ESF1: variants seen among roughly 807,000 people sequenced by gnomAD.
ESF1 encodes the protein ESF1 homolog.
In ESF1, 58 loss-of-function variants were observed where a neutral mutation model predicts 92.0. The ratio of observed to expected loss-of-function variants is 0.63; its 90% CI spans 0.51 to 0.78. The LOEUF is 0.78. Ranked by LOEUF, ESF1 falls within the 30% of genes least tolerant of loss-of-function variation. The pLI is 0.00. For synonymous variants in ESF1, 321 were observed against 313.7 expected, an observed-to-expected ratio of 1.02 and a Z score of -0.24; for missense variants, 922 against 989.1, an observed-to-expected ratio of 0.93 and a Z score of 0.91.
chr20:13,752,945 C>T (rs1978706850), intron 9 of ESF1, among the ~76,000 whole-genome samples: 1 of 152,086 alleles, frequency 6.6e-6, no homozygotes, highest in East Asian at 1.9e-4. Flanking sequence ...GAAGTCCTTG[C>T]CAGCGTGAGA....
chr20:13,775,848 T>C, intron 3 of ESF1, 25 bp downstream of exon 3: 1 of 1,561,850 alleles, frequency 6.4e-7, no homozygotes, highest in Non-Finnish European at 8.6e-7. Context: ...TTTTCACAAA[T>C]AATCTTGTTT....
intron 9 of ESF1, among the ~76,000 whole-genome samples, chr20:13,746,153 TG>T (rs2050046987): frequency 6.6e-6 from 1 of 151,822 alleles, no homozygotes; most frequent in African/African-American, 2.4e-5. Context: ...TTATTAGAGA[TG>T]GGGTTTCACC....
intron 13 of ESF1, among the ~76,000 whole-genome samples, chr20:13,716,996 T>G (rs1227541352): frequency 6.6e-6 from 1 of 151,776 alleles, no homozygotes; most frequent in Non-Finnish European, 1.5e-5. Context: ...TTTTTGTATT[T>G]TTAGTAGAGA....
chr20:13,783,097 C>T lies in ESF1; in HGVS notation c.44G>A (p.Arg15Gln), dbSNP rs552526994. Residue 15 changes from arginine to glutamine, a missense_variant, in exon 2 of 14, where the codon CGG (arginine) becomes CAG (glutamine). Arg to Gln is a conservative substitution (Grantham distance 43). Coordinates refer to ENST00000617257, the MANE Select transcript of ESF1 (RefSeq NM_001276380.2). Reference sequence around the variant, plus strand: ...CCAAAATCTCGGGTCCTTTGCAACCCGTCTAAACCGCTGGTCACTCATTAT... The same window carrying T: ...CCAAAATCTCGGGTCCTTTGCAACCTGTCTAAACCGCTGGTCACTCATTAT... ...QEIMSDQRFR[R>Q]VAKDPRFWEM... The T allele has an allele frequency of 1.1e-5, 18 of 1,611,676 alleles. No individual in the cohort carries two copies. In the South Asian group the frequency reaches 1.4e-4, roughly 13 times the overall value.
Position 13,745,640 on chromosome 20 carries a change from C to T in ESF1, c.1829-11798G>A, listed in dbSNP as rs552927588. Among the ~76,000 whole-genome samples the T allele has an allele frequency of 3.9e-5, 6 of 152,054 alleles. No individual in the cohort carries two copies. The East Asian group carries it at 5.8e-4, about 15-fold the overall frequency. The stretch of plus-strand genomic sequence containing the variant: ...CTAACTTGTATTTTTTTAGTAAAGA[C>T]GGAGTTTCACCATGTTGGCCAGGAT... On this transcript the variant is annotated intron_variant, in intron 9 of 13. Coordinates refer to ENST00000617257, the MANE Select transcript of ESF1 (RefSeq NM_001276380.2).
intron 6 of ESF1, among the ~76,000 whole-genome samples, 171 bp from the exon 7 acceptor site, chr20:13,770,192 G>A (rs931341142): frequency 1.3e-5 from 2 of 152,168 alleles, no homozygotes; most frequent in African/African-American, 4.8e-5. Context: ...ATTCATCTTT[G>A]TATAAATTTC....
At chr20:13,742,524 ACTC>A (rs1426622783) in intron 9 of ESF1, among the ~76,000 whole-genome samples, 3 of 151,978 alleles carry the variant, frequency 2.0e-5, no homozygotes, top group Non-Finnish European at 4.4e-5. Flanking sequence ...CAGCAATTAT[ACTC>A]CTAACACAAA....
chr20:13,756,741 G>A (rs1182814556), intron 9 of ESF1, among the ~76,000 whole-genome samples: 2 of 152,126 alleles, frequency 1.3e-5, no homozygotes, highest in Non-Finnish European at 2.9e-5. Context: ...AGGAAGTCAC[G>A]TAACTAACTA....
chr20:13,782,373 G>GT (rs1320731270), intron 2 of ESF1, 131 bp downstream of exon 2: 10 of 719,128 alleles, frequency 1.4e-5, no homozygotes, highest in Middle Eastern at 4.5e-4. Context: ...TTATAGCTTT[G>GT]TATTTCCAGA....
intron 2 of ESF1, among the ~76,000 whole-genome samples, chr20:13,782,167 C>T (rs937274863): frequency 1.3e-5 from 2 of 152,152 alleles, no homozygotes; most frequent in African/African-American, 4.8e-5. Context: ...CGTGAGCCAC[C>T]ATGTCCGGCC....
intron 11 of ESF1, among the ~76,000 whole-genome samples, chr20:13,727,880 G>A (rs184102193): frequency 3.3e-5 from 5 of 152,204 alleles, no homozygotes; most frequent in Non-Finnish European, 5.9e-5. Context: ...TGTTTCAGCA[G>A]AAAAAGCTTT....
At chr20:13,719,359 G>A (rs1434366237) in intron 11 of ESF1, among the ~76,000 whole-genome samples, 1 of 152,006 alleles carries the variant, frequency 6.6e-6, no homozygotes, top group Admixed American at 6.6e-5. Flanking sequence ...CACATTTAAT[G>A]AAATTCTAAA....
chr20:13,759,919 T>A, intron 8 of ESF1, 66 bp from the exon 9 acceptor site: 8 of 1,499,330 alleles, frequency 5.3e-6, no homozygotes, highest in Non-Finnish European at 1.8e-6. Flanking sequence ...TCAGATCTTA[T>A]GGTCACTCTC....
At chr20:13,748,822 C>T (rs1413238404) in intron 9 of ESF1, among the ~76,000 whole-genome samples, 2 of 151,648 alleles carry the variant, frequency 1.3e-5, no homozygotes, top group Admixed American at 6.6e-5. Context: ...CTCCTGACCT[C>T]GTGATCCGCC....
intron 11 of ESF1, among the ~76,000 whole-genome samples, chr20:13,720,898 A>G (rs1023007552): frequency 1.3e-5 from 2 of 152,220 alleles, no homozygotes; most frequent in Non-Finnish European, 2.9e-5. Context: ...AGGTGGGTGG[A>G]TCACCTGAGG....
intron 11 of ESF1, among the ~76,000 whole-genome samples, chr20:13,724,761 G>A (rs556151678): frequency 5.3e-5 from 8 of 152,242 alleles, no homozygotes; most frequent in African/African-American, 1.9e-4. Flanking sequence ...TAAATATTTT[G>A]TAACATGCTG....
chr20:13,773,752 G>C (rs375075315), intron 4 of ESF1, among the ~76,000 whole-genome samples: 1 of 152,096 alleles, frequency 6.6e-6, no homozygotes, highest in African/African-American at 2.4e-5. Context: ...CCAAAAGGCC[G>C]AGAAGCGACA....
At chr20:13,770,405 A>G (rs1979631035) in intron 6 of ESF1, among the ~76,000 whole-genome samples, 1 of 152,216 alleles carries the variant, frequency 6.6e-6, no homozygotes, top group African/African-American at 2.4e-5. Flanking sequence ...GTCTTGCTCC[A>G]TCACCCAGGT....
intron 3 of ESF1, among the ~76,000 whole-genome samples, 193 bp from the exon 4 acceptor site, chr20:13,775,463 A>C (rs542934894): frequency 2.0e-5 from 3 of 152,332 alleles, no homozygotes; most frequent in Admixed American, 2.0e-4. Flanking sequence ...ATAACAGGTA[A>C]GTACTTTCTC....
Sources: gnomAD v4.1 joint callset for allele counts (sites outside exome capture counted in the v4.1 genomes callset) on GRCh38, gnomAD v4.1.1 for gene constraint, MANE v1.5 for transcripts, NCBI Gene and HGNC (gene_info 2026-07-23, HGNC 2026-07-21) for gene names.